Variants in TNS1 observed in about 807,000 individuals in gnomAD.
The protein encoded by TNS1 is tensin 1, also known as tensin-1.
A neutral mutation model predicts 168.6 loss-of-function variants in TNS1; 62 were observed. The ratio of observed to expected loss-of-function variants is 0.37; its 90% confidence interval spans 0.30 to 0.45. TNS1 has a LOEUF of 0.45. Among genes scored for constraint, TNS1 ranks in the 20% least tolerant of loss-of-function variants. TNS1 has a pLI of 1.00. For synonymous variants in TNS1, 934 were observed against 933.2 expected (o/e 1.00, Z -0.02); for missense variants, 2,240 against 2,339.4 (o/e 0.96, Z 0.88).
intron 18 of TNS1, among the ~76,000 whole-genome samples, chr2:217,868,978 A>T (rs1221112438): frequency 6.6e-6 from 1 of 152,260 alleles, no homozygotes; most frequent in Non-Finnish European, 1.5e-5. Context: ...GGAGAGGGAC[A>T]TAGAGAAGAA....
intron 1 of TNS1, among the ~76,000 whole-genome samples, chr2:218,009,923 C>T (rs946075593): frequency 6.6e-6 from 1 of 152,096 alleles, no homozygotes; most frequent in Admixed American, 6.5e-5. Context: ...GGTGGCGACT[C>T]CCCCGGAGTC....
chr2:217,940,957 G>A (rs1956880164), intron 3 of TNS1, among the ~76,000 whole-genome samples: 1 of 152,122 alleles, frequency 6.6e-6, no homozygotes, highest in South Asian at 2.1e-4. Flanking sequence ...TGTGAGAGGT[G>A]ACTGCTCCTC....
intron 17 of TNS1, chr2:217,881,943 C>T (rs980400984): frequency 2.4e-5 from 4 of 166,732 alleles, no homozygotes; most frequent in African/African-American, 9.6e-5. Flanking sequence ...AGTATAGAGG[C>T]TTCAAGGTTA....
chr2:217,813,841 G>A lies in TNS1; in HGVS notation c.4730-25C>T, dbSNP rs754208275. 8.5e-5 allele frequency: 133 copies of A among 1,573,570 alleles called. No homozygotes were observed. Among genetic ancestry groups the A allele is most frequent in the Non-Finnish European group, 1.1e-4 (129 of 1,158,574 alleles). ...GCTGCATGGGGAAGGGACAAGGAGA[G>A]AGGAGGAAGCAAGACCTCGGTGGCG... On this transcript the variant is annotated intron_variant, in intron 25 of 32. Transcript: ENST00000682258. The surrounding 1 kb of genome is among the most constrained non-coding windows in gnomAD (Gnocchi z 4.0).
chr2:218,026,135 G>A (rs1958848091), intron 1 of TNS1, among the ~76,000 whole-genome samples: 1 of 152,166 alleles, frequency 6.6e-6, no homozygotes, highest in Non-Finnish European at 1.5e-5. Context: ...TCTTGATTAA[G>A]AGCTGTCAAT....
rs554386856 is a variant in TNS1 at position 217,997,280 on chromosome 2, A to G, written c.33+5560T>C. Among the ~76,000 whole-genome samples, 10 of 152,114 alleles carry G rather than the reference A, an allele frequency of 6.6e-5. 1 individual carries two copies. Among genetic ancestry groups the G allele is most frequent in the African/African-American group, 2.4e-4 (10 of 41,484 alleles). ...AGAAATTCAGCATCAATACAATCCC[A>G]CTGTCTAATACAGTCATTCTACTGC... is the stretch of plus-strand genomic sequence containing the variant. On this transcript the variant is annotated intron_variant, in intron 1 of 32. Transcript: ENST00000682258.
chr2:217,920,097 C>T, intron 4 of TNS1, 98 bp downstream of exon 4: 1 of 700,610 alleles, frequency 1.4e-6, no homozygotes, highest in East Asian at 2.7e-5. Context: ...GTCCGACACC[C>T]CAGTTACCAA....
At chr2:218,013,925 C>T (rs1409736143), upstream of TNS1, among the ~76,000 whole-genome samples, 1 of 152,198 alleles carries the variant, frequency 6.6e-6, no homozygotes, top group Non-Finnish European at 1.5e-5. Flanking sequence ...GCCCTTCTCC[C>T]CAAGTTTGCC....
At chr2:217,913,370 T>C (rs1954647292) in intron 4 of TNS1, among the ~76,000 whole-genome samples, 1 of 152,172 alleles carries the variant, frequency 6.6e-6, no homozygotes, top group East Asian at 1.9e-4. Flanking sequence ...ACTGAGGCTG[T>C]GCAACTGTGG....
intron 3 of TNS1, among the ~76,000 whole-genome samples, chr2:217,923,814 G>A (rs1206254103): frequency 1.3e-5 from 2 of 152,320 alleles, no homozygotes; most frequent in Non-Finnish European, 2.9e-5. Context: ...TGGCTCTGGA[G>A]GCTGCGAGGT....
intron 19 of TNS1, chr2:217,842,028 C>A: frequency 1.4e-6 from 1 of 701,366 alleles, no homozygotes. Flanking sequence ...CCTGCCCTGG[C>A]CCCCAGAGTT....
intron 19 of TNS1, among the ~76,000 whole-genome samples, chr2:217,845,451 A>G (rs2125406159): frequency 6.6e-6 from 1 of 152,312 alleles, no homozygotes; most frequent in Non-Finnish European, 1.5e-5. Context: ...TAAGGAAGTT[A>G]CTCATGCAGG....
chr2:217,923,960 G>C (rs528050729), intron 3 of TNS1, among the ~76,000 whole-genome samples: 9 of 152,046 alleles, frequency 5.9e-5, no homozygotes, highest in South Asian at 4.2e-4. Flanking sequence ...CCAACAACAG[G>C]GCACACCCGT....
chr2:217,966,981 A>G (rs989979102), intron 3 of TNS1, among the ~76,000 whole-genome samples: 6 of 152,222 alleles, frequency 3.9e-5, no homozygotes, highest in Non-Finnish European at 8.8e-5. Flanking sequence ...CAAGGATTAA[A>G]TGAGAAGAGT....
chr2:218,013,570 T>TGG, upstream of TNS1, among the ~76,000 whole-genome samples: 1 of 152,262 alleles, frequency 6.6e-6, no homozygotes, highest in African/African-American at 2.4e-5. Flanking sequence ...TTTGAAGAGC[T>TGG]GGTCACCATC....
Position 217,813,189 on chromosome 2 carries a change from G to C in TNS1, c.4954+26C>G. On this transcript the variant is annotated intron_variant, in intron 27 of 32. Transcript: ENST00000682258. This position sits in a 1 kb window ranked among gnomAD's most constrained non-coding sequence, Gnocchi z 4.0. ...GGACCAAGACTCAGGCCAGACTGTA[G>C]AGATGGGGGCAGGGGGACAGCTCAC... The C allele has an allele frequency of 6.4e-7, 1 of 1,568,214 alleles. No individual in the cohort carries two copies. Among genetic ancestry groups the C allele is most frequent in the Non-Finnish European group, 8.7e-7 (1 of 1,146,888 alleles).
intron 3 of TNS1, among the ~76,000 whole-genome samples, chr2:217,937,328 G>A (rs1347130794): frequency 6.6e-6 from 1 of 152,128 alleles, no homozygotes; most frequent in African/African-American, 2.4e-5. Flanking sequence ...GGACTCAGCT[G>A]CTGCCGCACA....
chr2:217,981,273 G>A (rs1413248059), intron 2 of TNS1, among the ~76,000 whole-genome samples: 2 of 152,204 alleles, frequency 1.3e-5, no homozygotes, highest in Non-Finnish European at 2.9e-5. Context: ...CCTTTCTCCA[G>A]GCAGATCAGC....
intron 18 of TNS1, among the ~76,000 whole-genome samples, chr2:217,876,937 G>T (rs1422349050): frequency 1.3e-5 from 2 of 152,114 alleles, no homozygotes; most frequent in Non-Finnish European, 2.9e-5. Flanking sequence ...GTGGTGCTTT[G>T]CTGTGGCTGC....
Sources: allele counts gnomAD v4.1 joint callset (sites outside exome capture counted in the v4.1 genomes callset), GRCh38; gene constraint gnomAD v4.1.1; non-coding constraint Gnocchi (gnomAD v3.1); transcripts MANE v1.5; gene names NCBI Gene and HGNC (gene_info 2026-07-23, HGNC 2026-07-21).